Variants in ADGRF1 observed in about 807,000 individuals in gnomAD.
ADGRF1 encodes the protein G protein-coupled receptor 110.
A neutral mutation model predicts 87.2 loss-of-function variants in ADGRF1; 85 were observed. That is an observed-to-expected ratio of 0.97 (90% CI 0.82 to 1.17). The LOEUF (loss-of-function observed/expected upper bound fraction) is 1.17, where lower values mean the gene tolerates loss of function less well. ADGRF1 is among the 50% of genes most tolerant of loss of function. ADGRF1 has a pLI of 0.00. For synonymous variants in ADGRF1, 430 were observed against 408.8 expected (o/e 1.05, Z -0.63); for missense variants, 1,169 against 1,077.2 (o/e 1.09, Z -1.19).
At chr6:47,014,576 A>G (rs1779805398) in intron 9 of ADGRF1, 105 bp downstream of exon 9, 2 of 1,516,280 alleles carry the variant, frequency 1.3e-6, no homozygotes, top group South Asian at 1.3e-5. Flanking sequence ...ATACTGGCCA[A>G]TGATGCACGT....
At chr6:47,037,554 C>G (rs533577601) in intron 1 of ADGRF1, among the ~76,000 whole-genome samples, 4 of 152,324 alleles carry the variant, frequency 2.6e-5, no homozygotes, top group African/African-American at 9.6e-5. Context: ...GTTGCCCAGG[C>G]TGGGGTGCCG....
chr6:47,001,798 T>C, intron 13 of ADGRF1: 1 of 414,918 alleles, frequency 2.4e-6, no homozygotes, highest in Non-Finnish European at 4.3e-6. Context: ...TGTATTTTTA[T>C]AACTTCTAAC....
rs1561869116 is a variant in ADGRF1, at chr6:47,012,129, C to T, written c.994G>A (p.Val332Ile). 1.9e-6 allele frequency: 3 copies of T among 1,614,054 alleles called. No homozygotes were observed. Among genetic ancestry groups the T allele is most frequent in the Non-Finnish European group, 2.5e-6 (3 of 1,179,932 alleles). The change falls in exon 10 of 15, where the codon GTC becomes ATC. Residue 332 changes from valine (V) to isoleucine (I), a missense_variant. Transcript: ENST00000371253. ...GTTGATGGGTTTTGCCGAATGATGA[C>T]AGAAAGATTTTGCACGAAGGATGAC... ...AVSSFVQNLS[V>I]IIRQNPSTTV...
chr6:47,009,563 A>G lies in ADGRF1; in HGVS notation c.1872T>C (p.Arg624=). ...IKKSQTSHTR[R]ICMVNIALSL... ...ACAGGGCTATGTTCACCATGCAAAT[A>G]CGACGTGTGTGAGAGGTTTGGCTTT... The change falls in exon 11 of 15, where the codon CGT becomes CGC. Residue 624 remains arginine (R), a synonymous_variant. Coordinates refer to ENST00000371253, the MANE Select transcript of ADGRF1 (RefSeq NM_153840.4). The G allele has an allele frequency of 6.2e-7, 1 of 1,614,176 alleles. No individual in the cohort carries two copies. The highest frequency in any genetic ancestry group is 8.5e-7 in the Non-Finnish European group (1 of 1,180,010).
chr6:47,020,269 G>A, intron 7 of ADGRF1: 1 of 1,204,606 alleles, frequency 8.3e-7, no homozygotes, highest in East Asian at 3.0e-5. Flanking sequence ...GAGGCAGGCG[G>A]ATCACCTGAG....
At chr6:47,032,326 T>C (rs977875212) in intron 1 of ADGRF1, among the ~76,000 whole-genome samples, 3 of 152,206 alleles carry the variant, frequency 2.0e-5, no homozygotes, top group African/African-American at 7.2e-5. Context: ...TGGGATACCG[T>C]TGGAAGATTT....
At chr6:47,031,269 CTT>C (rs1780411658) in intron 1 of ADGRF1, among the ~76,000 whole-genome samples, 2 of 149,514 alleles carry the variant, frequency 1.3e-5, no homozygotes, top group Admixed American at 6.7e-5. Context: ...CTCTCTCTCT[CTT>C]CTCTCTCTCT....
intron 11 of ADGRF1, 21 bp from the exon 12 acceptor site, chr6:47,007,315 A>T: frequency 7.2e-7 from 1 of 1,389,694 alleles, no homozygotes; most frequent in South Asian, 1.2e-5. Context: ...AAAGGAATAA[A>T]TCACATGTAT....
At position 47,009,927 on chromosome 6, in the gene ADGRF1, C is replaced by A. The variant is rs778241405; in HGVS notation, c.1508G>T (p.Gly503Val). 3.7e-6 allele frequency: 6 copies of A among 1,614,116 alleles called. No individual in the cohort carries two copies. The highest frequency in any genetic ancestry group is 1.1e-5 in the South Asian group (1 of 91,080). Residue 503 changes from glycine to valine, a missense_variant, in exon 11 of 15, where the codon GGA becomes GTA. Gly to Val is a moderately radical substitution (Grantham distance 109, BLOSUM62 -3). Transcript: ENST00000371253. ...TTGAATAACCGTGGATATCACAGGTCCATTGACCTGAGCATTTCCATTTTT... is the reference window on the plus strand; with the variant it reads ...TTGAATAACCGTGGATATCACAGGTACATTGACCTGAGCATTTCCATTTTT... ...VSKNGNAQVNGPVISTVIQNY... is the reference protein window; with the variant it reads ...VSKNGNAQVNVPVISTVIQNY...
At chr6:47,030,923 T>C (rs1780398084) in intron 1 of ADGRF1, among the ~76,000 whole-genome samples, 1 of 152,008 alleles carries the variant, frequency 6.6e-6, no homozygotes, top group Middle Eastern at 3.2e-3. Context: ...TCACAACGCC[T>C]GGCTAATTTT....
At chr6:47,037,225 A>G (rs1438909973) in intron 1 of ADGRF1, among the ~76,000 whole-genome samples, 2 of 152,198 alleles carry the variant, frequency 1.3e-5, no homozygotes, top group Non-Finnish European at 2.9e-5. Context: ...GACTATCAGT[A>G]AGTTTAAGCA....
In ADGRF1 at chr6:47,015,499, C is replaced by T. The variant is rs568889421; in HGVS notation, c.764-655G>A. Among the ~76,000 whole-genome samples the T allele has an allele frequency of 2.0e-5, 3 of 152,250 alleles. No individual in the cohort carries two copies. The South Asian group carries it at 6.2e-4, about 32-fold the overall frequency. On this transcript the variant is annotated intron_variant, in intron 8 of 14. Coordinates refer to ENST00000371253, the MANE Select transcript of ADGRF1 (RefSeq NM_153840.4). The stretch of plus-strand genomic sequence containing the variant: ...AATCTTTGCTCACTGCAACCTCTAC[C>T]TCCCAGGCTCAAGTGATTCACCTGC...
intron 1 of ADGRF1, among the ~76,000 whole-genome samples, chr6:47,034,545 C>T (rs1178608308): frequency 6.6e-6 from 1 of 152,228 alleles, no homozygotes; most frequent in Admixed American, 6.5e-5. Flanking sequence ...CTGTGCTAAA[C>T]TTGCATTTGT....
At chr6:47,005,291 G>C (rs1318975482) in intron 13 of ADGRF1, among the ~76,000 whole-genome samples, 1 of 152,086 alleles carries the variant, frequency 6.6e-6, no homozygotes, top group Admixed American at 6.5e-5. Context: ...TGGGTTTGTA[G>C]ACTTAAGAGC....
chr6:47,005,017 A>C (rs1241112375), intron 13 of ADGRF1, among the ~76,000 whole-genome samples: 2 of 152,190 alleles, frequency 1.3e-5, no homozygotes, highest in Non-Finnish European at 2.9e-5. Context: ...AAAAAGTTAT[A>C]TTGTCACTTG....
At chr6:47,008,165 A>C (rs1779585100) in intron 11 of ADGRF1, among the ~76,000 whole-genome samples, 1 of 152,176 alleles carries the variant, frequency 6.6e-6, no homozygotes, top group Non-Finnish European at 1.5e-5. Flanking sequence ...GCCCAGACCT[A>C]TTTAAGTCTA....
At chr6:47,010,598 C>A (rs1446187012) in intron 10 of ADGRF1, among the ~76,000 whole-genome samples, 1 of 152,156 alleles carries the variant, frequency 6.6e-6, no homozygotes, top group African/African-American at 2.4e-5. Flanking sequence ...AAGAATCCTG[C>A]AATTTCAGCT....
chr6:47,020,096 T>A (rs1357320040), intron 7 of ADGRF1: 2 of 1,018,020 alleles, frequency 2.0e-6, no homozygotes, highest in East Asian at 9.0e-5. Flanking sequence ...CTTTTTCCCA[T>A]CCACTGTCAC....
intron 4 of ADGRF1, among the ~76,000 whole-genome samples, chr6:47,025,131 C>T (rs919060269): frequency 6.6e-6 from 1 of 152,134 alleles, no homozygotes; most frequent in African/African-American, 2.4e-5. Context: ...ACCTGAAATT[C>T]CCACCGAAGT....
Sources: gnomAD v4.1 joint callset for allele counts (sites outside exome capture counted in the v4.1 genomes callset) on GRCh38, gnomAD v4.1.1 for gene constraint, MANE v1.5 for transcripts, NCBI Gene and HGNC (gene_info 2026-07-23, HGNC 2026-07-21) for gene names.